Variants in RNF126 observed in about 807,000 individuals in gnomAD.
RNF126 encodes ring finger protein 126, also known as E3 ubiquitin-protein ligase RNF126.
A neutral mutation model predicts 41.9 loss-of-function variants in RNF126; 20 were observed. The ratio of observed to expected loss-of-function variants is 0.48; its 90% CI spans 0.34 to 0.69. RNF126 has a LOEUF of 0.69. RNF126 is among the 30% of genes least tolerant of loss of function. RNF126 has a pLI of 0.01. For missense variants in RNF126, 433 were observed against 460.6 expected (o/e 0.94, Z 0.55); for synonymous variants, 239 against 202.9 (o/e 1.18, Z -1.51).
chr19:652,501 A>ATCCCAACAG (rs1555680729), intron 2 of RNF126: 40 of 604,772 alleles, frequency 6.6e-5, no homozygotes, highest in Non-Finnish European at 1.1e-4. Flanking sequence ...ACCGGTGCAG[A>ATCCCAACAG]CCCCAACAGC....
chr19:661,691 C>G (rs897020212), intron 1 of RNF126, among the ~76,000 whole-genome samples: 1 of 152,198 alleles, frequency 6.6e-6, no homozygotes, highest in South Asian at 2.1e-4. Context: ...CAGCCCCTTC[C>G]TGGGTCTCTA....
chr19:650,374 G>T, intron 4 of RNF126, 78 bp from the exon 5 acceptor site: 2 of 1,272,326 alleles, frequency 1.6e-6, no homozygotes, highest in Non-Finnish European at 2.2e-6. Context: ...GGTCCGTGGT[G>T]AGCACCAAGG....
Position 651,811 on chromosome 19 carries a change from C to G in RNF126, c.243G>C (p.Gln81His), listed in dbSNP as rs2030310667. 1.2e-6 allele frequency: 2 copies of G among 1,612,630 alleles called. No individual in the cohort carries two copies. The highest frequency in any genetic ancestry group is 1.7e-6 in the Non-Finnish European group (2 of 1,179,810). The change falls in exon 4 of 9, where the codon CAG becomes CAC. Residue 81 changes from glutamine (Q) to histidine (H), a missense_variant. Coordinates refer to ENST00000292363, the MANE Select transcript of RNF126 (RefSeq NM_194460.3). ...TGTCATCGAAGATGCCGAAAGCAAA[C>G]TGTCCGTAGCCCTGCGGCAGCGTGA... is the stretch of plus-strand genomic sequence containing the variant. ...HLFTLPQGYGQFAFGIFDDSF... is the reference protein window; with the variant it reads ...HLFTLPQGYGHFAFGIFDDSF...
chr19:656,694 C>T (rs1054336400), intron 1 of RNF126, among the ~76,000 whole-genome samples: 8 of 152,182 alleles, frequency 5.3e-5, no homozygotes, highest in Non-Finnish European at 8.8e-5. Flanking sequence ...CAGCCAACGA[C>T]CACCACTGTG....
At chr19:648,842 G>A (rs926901314) in intron 7 of RNF126, 40 bp downstream of exon 7, 2 of 1,203,030 alleles carry the variant, frequency 1.7e-6, no homozygotes, top group Non-Finnish European at 2.3e-6. Flanking sequence ...GGCGGCGGGT[G>A]CCTGTAATTC....
intron 6 of RNF126, 172 bp from the exon 7 acceptor site, chr19:649,147 C>G (rs974038203): frequency 6.6e-5 from 24 of 361,564 alleles, no homozygotes; most frequent in African/African-American, 4.4e-4. Flanking sequence ...GCGGCCCCCC[C>G]GCTCCTGGGT....
chr19:661,641 C>CTCTGTG (rs938439631), intron 1 of RNF126, among the ~76,000 whole-genome samples: 9 of 152,208 alleles, frequency 5.9e-5, no homozygotes, highest in Admixed American at 3.9e-4. Context: ...CTCGCTCCTC[C>CTCTGTG]TCTGTGACCC....
intron 1 of RNF126, among the ~76,000 whole-genome samples, chr19:653,639 C>A (rs941368292): frequency 1.3e-5 from 2 of 152,172 alleles, no homozygotes; most frequent in Non-Finnish European, 2.9e-5. Context: ...GATGGCGGAG[C>A]GTGCCGAGCA....
intron 1 of RNF126, among the ~76,000 whole-genome samples, chr19:658,124 C>T (rs1300377409): frequency 6.6e-6 from 1 of 152,028 alleles, no homozygotes; most frequent in Non-Finnish European, 1.5e-5. Context: ...GTACGATCAC[C>T]CGGCATCATC....
At chr19:653,033 G>T in intron 1 of RNF126, 149 bp from the exon 2 acceptor site, 1 of 721,764 alleles carries the variant, frequency 1.4e-6, no homozygotes, top group Non-Finnish European at 2.3e-6. Flanking sequence ...CGTGGGTCCT[G>T]GAGGGCGGCC....
intron 1 of RNF126, among the ~76,000 whole-genome samples, chr19:655,625 C>A (rs1396414893): frequency 2.0e-5 from 3 of 151,818 alleles, no homozygotes; most frequent in Non-Finnish European, 2.9e-5. Flanking sequence ...CCCCGTCAGG[C>A]CTGCTGGGAG....
At position 663,150 on chromosome 19, in the gene RNF126, G is replaced by T; in HGVS notation, c.-29C>A. ...CGCCGCCACCTACTCCGCGCCGCCC[G>T]CCCCCCGCGCGGCACCCGCCGCCGG... On this transcript the variant is annotated 5_prime_UTR_variant, in exon 1 of 9. Coordinates refer to ENST00000292363, the MANE Select transcript of RNF126 (RefSeq NM_194460.3). 1 of 1,134,120 alleles carries T rather than the reference G, an allele frequency of 8.8e-7. No homozygotes were observed. The highest frequency in any genetic ancestry group is 1.1e-6 in the Non-Finnish European group (1 of 913,990). 70.3% of individuals were successfully genotyped at this position (1,134,120 alleles called of 1,614,324 possible).
chr19:657,687 A>C (rs971652177), intron 1 of RNF126, among the ~76,000 whole-genome samples: 3 of 152,204 alleles, frequency 2.0e-5, no homozygotes, highest in African/African-American at 7.2e-5. Context: ...GAGGACGCCA[A>C]GGGCTGCGAC....
In RNF126 at chr19:648,498, G is replaced by A. The variant is rs767460918; in HGVS notation, c.671-11C>T. ...ACTCGAGCCCGGAGCCTGCGGGAGT[G>A]TGCAGCTGCGGTCACAGCGGGCGTG... On this transcript the variant is annotated splice_polypyrimidine_tract_variant and intron_variant, in intron 7 of 8. Coordinates refer to ENST00000292363, the MANE Select transcript of RNF126 (RefSeq NM_194460.3). 1 of 1,555,300 alleles carries A rather than the reference G, an allele frequency of 6.4e-7. No homozygotes were observed. Among genetic ancestry groups the A allele is most frequent in the South Asian group, 1.2e-5 (1 of 84,782 alleles).
In RNF126 at chr19:649,734, G is replaced by A; in HGVS notation, c.521C>T (p.Ser174Leu). The change falls in exon 6 of 9, where the codon TCA (serine) becomes TTA (leucine). Residue 174 changes from serine to leucine, a missense_variant. By Grantham distance (145) the Ser-to-Leu change is moderately radical. Coordinates refer to ENST00000292363, the MANE Select transcript of RNF126 (RefSeq NM_194460.3). ...PSLGPWGVLHSNPMDYAWGAN... is the reference protein window; with the variant it reads ...PSLGPWGVLHLNPMDYAWGAN... The stretch of plus-strand genomic sequence containing the variant: ...CCCCCAGGCGTAGTCCATAGGGTTT[G>A]AGTGCAGGACTCCCCTGGAGGTGGA... 6.4e-7 allele frequency: 1 copy of A among 1,569,580 alleles called. No individual in the cohort carries two copies. Among genetic ancestry groups the A allele is most frequent in the African/African-American group, 1.4e-5 (1 of 73,696 alleles).
intron 8 of RNF126, 34 bp from the exon 9 acceptor site, chr19:648,311 G>C (rs745588633): frequency 1.3e-6 from 2 of 1,542,586 alleles, no homozygotes; most frequent in South Asian, 2.4e-5. Flanking sequence ...CGGGAGAAGG[G>C]GCAGGTTAGA....
Position 655,811 on chromosome 19 carries a change from T to A in RNF126, c.76-2927A>T, listed in dbSNP as rs570532509. Among the ~76,000 whole-genome samples the A allele has an allele frequency of 2.0e-5, 3 of 151,434 alleles. No individual in the cohort carries two copies. The East Asian group carries it at 5.9e-4, about 30-fold the overall frequency. On this transcript the variant is annotated intron_variant, in intron 1 of 8. Coordinates refer to ENST00000292363, the MANE Select transcript of RNF126 (RefSeq NM_194460.3). Reference sequence around the variant, plus strand: ...ATCGTCGTCGGCAGATGCAAACAGCTCCAGTGTCCACCCGCACCTCAGAGC... The same window carrying A: ...ATCGTCGTCGGCAGATGCAAACAGCACCAGTGTCCACCCGCACCTCAGAGC...
chr19:652,996 A>G lies in RNF126; in HGVS notation c.76-112T>C, dbSNP rs2030396380. ...CCCAGCGGTCTCTGGCTGGCCAGGC[A>G]CACGCAGGCCAGGGTGGCTCCCAAC... is the stretch of plus-strand genomic sequence containing the variant. On this transcript the variant is annotated intron_variant, in intron 1 of 8. Coordinates refer to ENST00000292363, the MANE Select transcript of RNF126 (RefSeq NM_194460.3). 3.9e-6 allele frequency: 4 copies of G among 1,024,906 alleles called. No homozygotes were observed. The South Asian group carries it at 5.5e-5, about 14-fold the overall frequency. The allele number at this position is 1,024,906 out of a possible 1,614,324, so 63.5% of individuals were successfully genotyped here. A position where few individuals can be genotyped will look rare whatever the true frequency, so the allele number is the denominator to read the frequency against.
At chr19:653,203 C>T (rs1337974827) in intron 1 of RNF126, among the ~76,000 whole-genome samples, 1 of 152,140 alleles carries the variant, frequency 6.6e-6, no homozygotes. Context: ...GTCACCAGTG[C>T]CTGGGCACCT....
Sources: allele counts gnomAD v4.1 joint callset (sites outside exome capture counted in the v4.1 genomes callset), GRCh38; gene constraint gnomAD v4.1.1; transcripts MANE v1.5; gene names NCBI Gene and HGNC (gene_info 2026-07-23, HGNC 2026-07-21).